PI4KB: variants seen among roughly 807,000 people sequenced by gnomAD.
PI4KB encodes PtdIns 4-kinase beta.
In PI4KB, 23 loss-of-function variants were observed where a neutral mutation model predicts 81.4. The observed-to-expected ratio is 0.28, with a 90% CI of 0.20 to 0.40. PI4KB has a LOEUF of 0.40. Ranked by LOEUF, PI4KB falls within the 10% of genes least tolerant of loss-of-function variation. PI4KB has a pLI of 1.00. For missense variants in PI4KB, 651 were observed against 1,036.6 expected, an observed-to-expected ratio of 0.63 and a Z score of 5.11; for synonymous variants, 381 against 406.8, an observed-to-expected ratio of 0.94 and a Z score of 0.76.
chr1:151,324,390 T>C (rs1394517553), intron 1 of PI4KB, among the ~76,000 whole-genome samples: 1 of 152,234 alleles, frequency 6.6e-6, no homozygotes, highest in Non-Finnish European at 1.5e-5. Context: ...TAAGGATGTC[T>C]CAACTCATCT....
intron 5 of PI4KB, among the ~76,000 whole-genome samples, chr1:151,305,645 A>T (rs774888362): frequency 1.3e-5 from 2 of 151,988 alleles, no homozygotes; most frequent in Non-Finnish European, 2.9e-5. Flanking sequence ...TTCCCCCATG[A>T]CTTGACTCTC....
chr1:151,303,316 C>T lies in PI4KB; in HGVS notation c.1520+225G>A, dbSNP rs1695466846. 16 of 478,402 alleles carry T rather than the reference C, an allele frequency of 3.3e-5. No homozygotes were observed. In the South Asian group the frequency reaches 3.4e-4, roughly 10 times the overall value. The allele number at this position is 478,402 out of a possible 1,614,324, so 29.6% of individuals were successfully genotyped here. ...GCCCGGCCCCTCTGGTGCTTTCATC[C>T]CTTTGGAGTCTTTTTAAAATTTAAT... On this transcript the variant is annotated intron_variant, in intron 6 of 11. Transcript: ENST00000368873.
At chr1:151,327,576 G>C, upstream of PI4KB, 1 of 390,870 alleles carries the variant, frequency 2.6e-6, no homozygotes. Context: ...TTCTTCTCCG[G>C]AGTCCAAGCC....
chr1:151,312,056 A>C (rs985288225), intron 2 of PI4KB, among the ~76,000 whole-genome samples: 1 of 152,270 alleles, frequency 6.6e-6, no homozygotes, highest in African/African-American at 2.4e-5. Context: ...CTAGGCTGAT[A>C]AAATGGCTTT....
At position 151,301,929 on chromosome 1, in the gene PI4KB, T is replaced by A; in HGVS notation, c.1664A>T (p.Asn555Ile). Residue 555 changes from asparagine (N) to isoleucine (I), a missense_variant, in exon 8 of 12, where the codon AAT becomes ATT. Asn to Ile is a moderately radical substitution (Grantham distance 149). Around this residue, in one of 5 missense-constraint regions of PI4KB, gnomAD observed 246 missense variants for 430.1 expected, o/e 0.57. Transcript: ENST00000368873. ...REGSPYGHLP[N>I]WRLLSVIVKC... ...GACAATGACTGACAGGAGCCGCCAA[T>A]TGGGGAGATGGCCGTAGGGGGAGCC... 1 of 1,613,938 alleles carries A rather than the reference T, an allele frequency of 6.2e-7. No individual in the cohort carries two copies. Among genetic ancestry groups the A allele is most frequent in the Non-Finnish European group, 8.5e-7 (1 of 1,179,992 alleles).
At chr1:151,317,934 G>C (rs948140761) in intron 1 of PI4KB, among the ~76,000 whole-genome samples, 7 of 151,450 alleles carry the variant, frequency 4.6e-5, no homozygotes, top group Non-Finnish European at 8.8e-5. Flanking sequence ...TCAGCCTCCC[G>C]AGTAGCTAGG....
Position 151,303,656 on chromosome 1 carries a change from G to T in PI4KB, c.1411-6C>A. 6.3e-7 allele frequency: 1 copy of T among 1,594,776 alleles called. No homozygotes were observed. The highest frequency in any genetic ancestry group is 8.6e-7 in the Non-Finnish European group (1 of 1,162,382). On this transcript the variant is annotated splice_polypyrimidine_tract_variant and splice_region_variant and intron_variant, in intron 5 of 11. Transcript: ENST00000368873. The stretch of plus-strand genomic sequence containing the variant: ...TTGGTATGCACTTCGGGGAGCTGGA[G>T]AAAGGGGAGTGCTGGTCAGAAGTGC...
Position 151,315,722 on chromosome 1 carries a change from G to A in PI4KB, c.760C>T (p.Leu254=), listed in dbSNP as rs778106698. 5.6e-6 allele frequency: 9 copies of A among 1,614,108 alleles called. No homozygotes were observed. Among genetic ancestry groups the A allele is most frequent in the Non-Finnish European group, 5.9e-6 (7 of 1,179,990 alleles). ...TCAGGGGCCGGGCTCAAGGAGGGCA[G>A]CTCCCTCTTCCTGTGAGCTGGCTTT... ...ELKPAHRKRE[L]PSLSPAPDTG... The change falls in exon 2 of 12, where the codon CTG becomes TTG. Residue 254 remains leucine, a synonymous_variant. Transcript: ENST00000368873.
upstream of PI4KB, chr1:151,327,586 C>A (rs562389603): frequency 2.6e-6 from 1 of 389,604 alleles, no homozygotes; most frequent in East Asian, 3.6e-5. Flanking sequence ...GAGTCCAAGC[C>A]AAGCCTTTCT....
At chr1:151,310,440 GGAGAT>G (rs2101972584) in intron 2 of PI4KB, among the ~76,000 whole-genome samples, 185 bp from the exon 3 acceptor site, 1 of 152,320 alleles carries the variant, frequency 6.6e-6, no homozygotes, top group East Asian at 1.9e-4. Context: ...ACCACTTGTA[GGAGAT>G]GCTGGAAGGG....
At position 151,307,725 on chromosome 1, in the gene PI4KB, G is replaced by T; in HGVS notation, c.1031C>A (p.Thr344Asn). ...AIGKRLATLP[T>N]KEQKTQRLIS... is the part of the protein sequence containing the mutation. ...CAGCCTCTGTGTTTTCTGCTCTTTG[G>T]TGGGGAGCGTGGCCAGCCGCTTGCC... The change falls in exon 4 of 12, where the codon ACC becomes AAC. Residue 344 changes from threonine (T) to asparagine (N), a missense_variant. Physicochemically the swap from Thr to Asn is moderately conservative, Grantham distance 65. Coordinates refer to ENST00000368873, the MANE Select transcript of PI4KB (RefSeq NM_001369623.2). 6.2e-7 allele frequency: 1 copy of T among 1,614,158 alleles called. No individual in the cohort carries two copies. Among genetic ancestry groups the T allele is most frequent in the Non-Finnish European group, 8.5e-7 (1 of 1,179,996 alleles).
At chr1:151,320,433 T>C (rs1443436092) in intron 1 of PI4KB, among the ~76,000 whole-genome samples, 2 of 152,208 alleles carry the variant, frequency 1.3e-5, no homozygotes, top group Non-Finnish European at 2.9e-5. Flanking sequence ...AACTCTTCTG[T>C]TCTCAGAGAT....
chr1:151,318,965 C>T (rs1238798157), intron 1 of PI4KB, among the ~76,000 whole-genome samples: 1 of 152,134 alleles, frequency 6.6e-6, no homozygotes, highest in African/African-American at 2.4e-5. Context: ...TGGCTGCTAA[C>T]ATATAATGGA....
intron 2 of PI4KB, among the ~76,000 whole-genome samples, chr1:151,311,713 G>GCGC (rs1477943648): frequency 2.6e-5 from 4 of 152,212 alleles, no homozygotes; most frequent in African/African-American, 7.2e-5. Context: ...CCTGGGGGAA[G>GCGC]GGAGGTATAT....
In PI4KB at chr1:151,307,733, C is replaced by A; in HGVS notation, c.1023G>T (p.Thr341=). The A allele has an allele frequency of 1.9e-6, 3 of 1,614,084 alleles. No homozygotes were observed. The South Asian group carries it at 3.3e-5, about 18-fold the overall frequency. The change falls in exon 4 of 12, where the codon ACG becomes ACT. Residue 341 remains threonine (T), a synonymous_variant. Coordinates refer to ENST00000368873, the MANE Select transcript of PI4KB (RefSeq NM_001369623.2). Reference sequence around the variant, plus strand: ...GTGTTTTCTGCTCTTTGGTGGGGAGCGTGGCCAGCCGCTTGCCGATCGCCA... The same window carrying A: ...GTGTTTTCTGCTCTTTGGTGGGGAGAGTGGCCAGCCGCTTGCCGATCGCCA... ...SLMAIGKRLA[T]LPTKEQKTQR... is the part of the protein sequence containing the mutation.
At chr1:151,296,184 T>A (rs1219509218) in intron 9 of PI4KB, among the ~76,000 whole-genome samples, 3 of 151,900 alleles carry the variant, frequency 2.0e-5, no homozygotes, top group Non-Finnish European at 2.9e-5. Flanking sequence ...GAGGCAGAGG[T>A]TACAGTGAGC....
chr1:151,292,628 C>A lies in PI4KB; in HGVS notation c.*224G>T. On this transcript the variant is annotated 3_prime_UTR_variant, in exon 12 of 12. Transcript: ENST00000368873. Reference sequence around the variant, plus strand: ...AGTCTGGTGGTAATACTGACACAGACCAGGAGGGGCAGGGAAGCCCCAACA... The same window carrying A: ...AGTCTGGTGGTAATACTGACACAGAACAGGAGGGGCAGGGAAGCCCCAACA... 2 of 568,912 alleles carry A rather than the reference C, an allele frequency of 3.5e-6. No individual in the cohort carries two copies. Among genetic ancestry groups the A allele is most frequent in the Non-Finnish European group, 6.3e-6 (2 of 318,282 alleles). The allele number at this position is 568,912 out of a possible 1,614,324, so 35.2% of individuals were successfully genotyped here. A position where few individuals can be genotyped will look rare whatever the true frequency, so the allele number is the denominator to read the frequency against.
rs1553185762 is a variant in PI4KB, at chr1:151,291,885, C to CT, written c.*966dup. 6.6e-6 allele frequency: 1 copy of CT among 152,346 alleles called. No homozygotes were observed. Among genetic ancestry groups the CT allele is most frequent in the African/African-American group, 2.4e-5 (1 of 41,390 alleles). 9.4% of individuals were successfully genotyped at this position (152,346 alleles called of 1,614,324 possible). A position where few individuals can be genotyped will look rare whatever the true frequency, so the allele number is the denominator to read the frequency against. ...TAGGGAGAAAACCAGACCATTAAAACTGTTTGTGGTCGAATCTCCATTCAG... is the reference window on the plus strand; with the variant it reads ...TAGGGAGAAAACCAGACCATTAAAACTTGTTTGTGGTCGAATCTCCATTCAG... On this transcript the variant is annotated 3_prime_UTR_variant, in exon 12 of 12. Coordinates refer to ENST00000368873, the MANE Select transcript of PI4KB (RefSeq NM_001369623.2).
chr1:151,309,640 G>A (rs1696047878), intron 3 of PI4KB, among the ~76,000 whole-genome samples: 2 of 152,098 alleles, frequency 1.3e-5, no homozygotes, highest in Admixed American at 1.3e-4. Flanking sequence ...GCAGTGAGCT[G>A]GGAAAAGGGA....
Sources: allele counts gnomAD v4.1 joint callset (sites outside exome capture counted in the v4.1 genomes callset), GRCh38; gene constraint gnomAD v4.1.1; regional missense constraint gnomAD v4.1.1; transcripts MANE v1.5; gene names NCBI Gene and HGNC (gene_info 2026-07-23, HGNC 2026-07-21).